Variants in SPIN1 observed in about 807,000 individuals in gnomAD.
The protein encoded by SPIN1 is spindlin-1.
Under a neutral mutation model 26.0 loss-of-function variants are expected in SPIN1, and 3 were observed. The ratio of observed to expected loss-of-function variants is 0.12; its 90% CI spans 0.05 to 0.30. The LOEUF (loss-of-function observed/expected upper bound fraction) is 0.30. SPIN1 is among the 10% of genes least tolerant of loss of function. The probability of loss-of-function intolerance (pLI) is 1.00; values close to 1 mark genes in which losing one functional copy is unlikely to be tolerated. For missense variants in SPIN1, 126 were observed against 333.4 expected (o/e 0.38, Z 4.84); for synonymous variants, 101 against 116.5 (o/e 0.87, Z 0.86).
At chr9:88,455,238 G>A (rs963837369) in intron 3 of SPIN1, among the ~76,000 whole-genome samples, 14 of 152,242 alleles carry the variant, frequency 9.2e-5, no homozygotes, top group African/African-American at 2.9e-4. Context: ...GCCAAGGCTG[G>A]CAGATGACCT....
chr9:88,407,290 G>A (rs546848002), intron 1 of SPIN1, among the ~76,000 whole-genome samples: 2 of 152,016 alleles, frequency 1.3e-5, no homozygotes, highest in Admixed American at 6.6e-5. Context: ...ACAGGTGTGC[G>A]CCACCATGCT....
chr9:88,424,673 A>G (rs1159276304), intron 1 of SPIN1, among the ~76,000 whole-genome samples: 1 of 152,178 alleles, frequency 6.6e-6, no homozygotes, highest in Non-Finnish European at 1.5e-5. Context: ...ATGATCAGAG[A>G]TGGTTTTGAG....
At chr9:88,455,185 C>T (rs568692103) in intron 3 of SPIN1, among the ~76,000 whole-genome samples, 73 of 152,294 alleles carry the variant, frequency 4.8e-4, no homozygotes, top group African/African-American at 1.7e-3. Flanking sequence ...TTGTGTTCTG[C>T]CGGGCGCGGT....
Position 88,441,414 on chromosome 9 carries a change from T to TGTGTGTGTGTGC in SPIN1, c.53-7526_53-7525insTGTGTGTGTGCG. Among the ~76,000 whole-genome samples the TGTGTGTGTGTGC allele has an allele frequency of 4.2e-5, 6 of 141,264 alleles. No individual in the cohort carries two copies. In the South Asian group the frequency reaches 9.1e-4, roughly 22 times the overall value. 92.7% of individuals were successfully genotyped at this position (141,264 alleles called of 152,430 possible). The stretch of plus-strand genomic sequence containing the variant: ...GCTGCCATTCGTGTGTGTGTGTGTG[T>TGTGTGTGTGTGC]GCGCGCGCGCGCGCCCATGTGTGTG... On this transcript the variant is annotated intron_variant, in intron 2 of 5. Coordinates refer to ENST00000375859, the MANE Select transcript of SPIN1 (RefSeq NM_006717.3).
intron 5 of SPIN1, among the ~76,000 whole-genome samples, chr9:88,471,654 CAAAAAAAAAAA>C (rs1166469042): frequency 3.3e-5 from 2 of 59,748 alleles, no homozygotes; most frequent in African/African-American, 6.8e-5. Context: ...GACTCTGTCT[CAAAAAAAAAAA>C]AAAAAAAAAA....
intron 1 of SPIN1, chr9:88,411,195 C>A: frequency 1.5e-6 from 2 of 1,290,792 alleles, no homozygotes. Context: ...TCTGTTGAGA[C>A]AGCTCTCTTT....
intron 3 of SPIN1, 69 bp downstream of exon 3, chr9:88,449,058 C>A: frequency 2.0e-6 from 3 of 1,486,042 alleles, no homozygotes; most frequent in South Asian, 2.3e-5. Flanking sequence ...ACAAGATCAC[C>A]TAGGTAAGGC....
intron 5 of SPIN1, among the ~76,000 whole-genome samples, chr9:88,472,797 CT>C (rs112295491): frequency 6.6e-6 from 1 of 152,190 alleles, no homozygotes; most frequent in African/African-American, 2.4e-5. Flanking sequence ...CTCCACATTT[CT>C]TTTATTAAAT....
At chr9:88,407,079 C>T (rs1827326366) in intron 1 of SPIN1, among the ~76,000 whole-genome samples, 1 of 147,224 alleles carries the variant, frequency 6.8e-6, no homozygotes, top group African/African-American at 2.5e-5. Context: ...TTTTGTGTAA[C>T]TTCTAGTAGT....
Position 88,470,215 on chromosome 9 carries a change from A to G in SPIN1, c.589+1610A>G, listed in dbSNP as rs563377116. On this transcript the variant is annotated intron_variant, in intron 5 of 5. Transcript: ENST00000375859. ...CTACATTTTGATTAGCCATTCATCC[A>G]GTAAAGCACATCTGAGTTGTTTCCC... Among the ~76,000 whole-genome samples, 11 of 152,324 alleles carry G rather than the reference A, an allele frequency of 7.2e-5. No homozygotes were observed. The South Asian group carries it at 8.3e-4, about 11-fold the overall frequency.
chr9:88,419,541 T>C (rs1827633721), intron 1 of SPIN1, among the ~76,000 whole-genome samples: 1 of 152,206 alleles, frequency 6.6e-6, no homozygotes, highest in South Asian at 2.1e-4. Context: ...ATTTGAGTGC[T>C]ATTTATTTTG....
chr9:88,470,171 A>G (rs1828750763), intron 5 of SPIN1, among the ~76,000 whole-genome samples: 1 of 152,244 alleles, frequency 6.6e-6, no homozygotes, highest in South Asian at 2.1e-4. Flanking sequence ...GCCAAATACG[A>G]TTCCATTGTA....
intron 3 of SPIN1, among the ~76,000 whole-genome samples, chr9:88,457,113 G>A (rs1231485166): frequency 1.3e-5 from 2 of 152,168 alleles, no homozygotes; most frequent in South Asian, 2.1e-4. Context: ...TTTCAAAAGC[G>A]GGTGGAGGAG....
At chr9:88,409,690 T>C (rs1431627281) in intron 1 of SPIN1, among the ~76,000 whole-genome samples, 3 of 151,752 alleles carry the variant, frequency 2.0e-5, no homozygotes, top group African/African-American at 7.3e-5. Context: ...AAAAAAAAAT[T>C]AGCTGGGCAT....
At chr9:88,395,142 T>C (rs866678730) in intron 1 of SPIN1, among the ~76,000 whole-genome samples, 1 of 152,032 alleles carries the variant, frequency 6.6e-6, no homozygotes, top group South Asian at 2.1e-4. Flanking sequence ...AGAACATTTA[T>C]GTGAACATTT....
intron 3 of SPIN1, among the ~76,000 whole-genome samples, chr9:88,453,671 C>T (rs1828407958): frequency 6.6e-6 from 1 of 152,126 alleles, no homozygotes; most frequent in Non-Finnish European, 1.5e-5. Context: ...GGATTACAGG[C>T]ATGCGCCACC....
intron 2 of SPIN1, among the ~76,000 whole-genome samples, chr9:88,428,647 A>AT (rs964328353): frequency 2.6e-5 from 4 of 152,088 alleles, no homozygotes; most frequent in East Asian, 1.9e-4. Flanking sequence ...AAAAGATTTT[A>AT]TTTTTTTTAA....
chr9:88,456,372 C>G (rs115192434), intron 3 of SPIN1, among the ~76,000 whole-genome samples: 202 of 152,220 alleles, frequency 1.3e-3, no homozygotes, highest in African/African-American at 4.8e-3. Context: ...AAGTTTATAT[C>G]AAGACTCCAC....
Position 88,478,393 on chromosome 9 carries a change from C to G in SPIN1, c.*3116C>G, listed in dbSNP as rs1828924127. The G allele has an allele frequency of 6.6e-6, 1 of 152,540 alleles. No individual in the cohort carries two copies. Among genetic ancestry groups the G allele is most frequent in the Non-Finnish European group, 1.5e-5 (1 of 68,020 alleles). 9.4% of individuals were successfully genotyped at this position (152,540 alleles called of 1,614,324 possible). ...AACAAAATAATTATGGTTGAAATGT[C>G]TGTGGTTCCTTGGAAATGCTGCGCT... On this transcript the variant is annotated 3_prime_UTR_variant, in exon 6 of 6. Transcript: ENST00000375859.
Sources: allele counts gnomAD v4.1 joint callset (sites outside exome capture counted in the v4.1 genomes callset), GRCh38; gene constraint gnomAD v4.1.1; transcripts MANE v1.5; gene names NCBI Gene and HGNC (gene_info 2026-07-23, HGNC 2026-07-21).